Variants in DLEC1 observed in about 807,000 individuals in gnomAD.
DLEC1 encodes the protein DLEC1 cilia and flagella associated protein.
Under a neutral mutation model 198.1 loss-of-function variants are expected in DLEC1, and 146 were observed. The ratio of observed to expected loss-of-function variants is 0.74; its 90% CI spans 0.64 to 0.85. The LOEUF (loss-of-function observed/expected upper bound fraction) is 0.85. Ranked by LOEUF, DLEC1 falls within the 40% of genes least tolerant of loss-of-function variation. The probability of loss-of-function intolerance (pLI) is 0.00; values close to 1 mark genes in which losing one functional copy is unlikely to be tolerated. For synonymous variants in DLEC1, 897 were observed against 866.8 expected, an observed-to-expected ratio of 1.03 and a Z score of -0.61; for missense variants, 2,233 against 2,220.0, an observed-to-expected ratio of 1.01 and a Z score of -0.12.
intron 31 of DLEC1, 67 bp from the exon 32 acceptor site, chr3:38,117,460 G>A (rs1553624821): frequency 1.9e-6 from 3 of 1,608,752 alleles, no homozygotes; most frequent in Non-Finnish European, 2.6e-6. Flanking sequence ...GGCTGGATGA[G>A]CAGAGTGGGG....
chr3:38,121,988 C>T (rs907694808), intron 35 of DLEC1, 83 bp from the exon 36 acceptor site: 3 of 1,574,410 alleles, frequency 1.9e-6, no homozygotes, highest in African/African-American at 1.3e-5. Context: ...ACCAGAGGTA[C>T]AGGCCCGGGG....
intron 9 of DLEC1, 44 bp downstream of exon 9, chr3:38,086,421 CA>C (rs1698459884): frequency 2.5e-6 from 4 of 1,571,262 alleles, no homozygotes; most frequent in Non-Finnish European, 3.5e-6. Context: ...ACAAGTCCAT[CA>C]AAGGAAATAA....
At chr3:38,039,743 A>C (rs2125563165) in intron 1 of DLEC1, 107 bp downstream of exon 1, 1 of 1,433,128 alleles carries the variant, frequency 7.0e-7, no homozygotes, top group East Asian at 2.4e-5. Flanking sequence ...CTGGGGCTGC[A>C]GTTGAGAAAC....
intron 2 of DLEC1, among the ~76,000 whole-genome samples, chr3:38,049,173 AATG>A (rs1430939063): frequency 2.0e-5 from 3 of 152,092 alleles, no homozygotes; most frequent in Non-Finnish European, 1.5e-5. Context: ...TTTACCCAAG[AATG>A]ATATTAAGTT....
intron 6 of DLEC1, among the ~76,000 whole-genome samples, chr3:38,080,384 G>A (rs1697905126): frequency 6.6e-6 from 1 of 152,138 alleles, no homozygotes; most frequent in Non-Finnish European, 1.5e-5. Context: ...AATGATGCTT[G>A]GGGTTGGGAC....
intron 6 of DLEC1, among the ~76,000 whole-genome samples, chr3:38,083,525 T>C (rs916311753): frequency 6.6e-6 from 1 of 152,202 alleles, no homozygotes; most frequent in Non-Finnish European, 1.5e-5. Flanking sequence ...GGACCAGCCA[T>C]TTACACTTCT....
At chr3:38,040,708 C>T (rs763664566) in intron 1 of DLEC1, among the ~76,000 whole-genome samples, 1 of 152,206 alleles carries the variant, frequency 6.6e-6, no homozygotes, top group Non-Finnish European at 1.5e-5. Context: ...CATTATAAAC[C>T]TATAAACCCC....
chr3:38,121,963 G>A, intron 35 of DLEC1, 108 bp from the exon 36 acceptor site: 2 of 1,543,748 alleles, frequency 1.3e-6, no homozygotes, highest in Non-Finnish European at 1.8e-6. Flanking sequence ...GCCCTGCCCT[G>A]CAGTGCTGAG....
chr3:38,081,900 C>A (rs1448977315), intron 6 of DLEC1, among the ~76,000 whole-genome samples: 1 of 148,410 alleles, frequency 6.7e-6, no homozygotes, highest in African/African-American at 2.5e-5. Context: ...GGCTGACCCC[C>A]CCCCACCTCC....
At chr3:38,072,441 C>T (rs1056358008) in intron 6 of DLEC1, among the ~76,000 whole-genome samples, 14 of 152,206 alleles carry the variant, frequency 9.2e-5, no homozygotes, top group Middle Eastern at 3.4e-3. Flanking sequence ...GGCTACAGGA[C>T]GCGATCCTGG....
chr3:38,097,242 A>G lies in DLEC1; in HGVS notation c.2401A>G (p.Ile801Val), dbSNP rs201017133. The G allele has an allele frequency of 1.6e-5, 25 of 1,586,922 alleles. No individual in the cohort carries two copies. Among genetic ancestry groups the G allele is most frequent in the Middle Eastern group, 3.3e-4 (2 of 6,030 alleles). The change falls in exon 16 of 37, where the codon ATC becomes GTC. Residue 801 changes from isoleucine to valine, a missense_variant. Coordinates refer to ENST00000308059, the MANE Select transcript of DLEC1 (RefSeq NM_007335.4). ...YLWGKISDCH[I>V]IEVEPGTGVI... ...GTGGGGGAAGATCAGCGACTGCCAC[A>G]TCATTGAAGTGGAGCCCGGCACAGG...
chr3:38,066,723 A>G (rs1697048433), intron 6 of DLEC1, among the ~76,000 whole-genome samples: 1 of 152,232 alleles, frequency 6.6e-6, no homozygotes, highest in African/African-American at 2.4e-5. Flanking sequence ...ATTGCATTTT[A>G]TAGTTTAAAG....
At position 38,081,562 on chromosome 3, in the gene DLEC1, G is replaced by A. The variant is rs1228907718; in HGVS notation, c.1174-2596G>A. Among the ~76,000 whole-genome samples the A allele has an allele frequency of 2.7e-4, 28 of 105,196 alleles. 8 individuals are homozygous for A. Among genetic ancestry groups the A allele is most frequent in the African/African-American group, 8.6e-4 (20 of 23,274 alleles). 69.0% of individuals were successfully genotyped at this position (105,196 alleles called of 152,430 possible). A position where few individuals can be genotyped will look rare whatever the true frequency, so the allele number is the denominator to read the frequency against. On this transcript the variant is annotated intron_variant, in intron 6 of 36. Coordinates refer to ENST00000308059, the MANE Select transcript of DLEC1 (RefSeq NM_007335.4). ...CACCTCCCGGATGGGGCGGCTGGCC[G>A]GGCAGGGGGCTGAGCCCCTCACCTC...
chr3:38,104,537 T>C (rs1324607752), intron 19 of DLEC1, among the ~76,000 whole-genome samples: 3 of 152,206 alleles, frequency 2.0e-5, no homozygotes, highest in Non-Finnish European at 4.4e-5. Context: ...ATTTAGGAAT[T>C]TGTCCATTTT....
intron 2 of DLEC1, among the ~76,000 whole-genome samples, chr3:38,057,878 G>A (rs368900585): frequency 3.3e-5 from 5 of 149,962 alleles, no homozygotes; most frequent in East Asian, 2.0e-4. Context: ...GTGCAGTGGC[G>A]CAATCTCGGC....
chr3:38,084,609 C>CT (rs1698335193), intron 7 of DLEC1, among the ~76,000 whole-genome samples: 3 of 19,382 alleles, frequency 1.5e-4, no homozygotes, highest in Non-Finnish European at 3.0e-4. Flanking sequence ...GTAGCAGTAG[C>CT]AGTAGCAGTA....
chr3:38,043,336 C>T (rs1162948313), intron 1 of DLEC1, among the ~76,000 whole-genome samples: 1 of 152,160 alleles, frequency 6.6e-6, no homozygotes, highest in African/African-American at 2.4e-5. Context: ...GGTAAGCCCT[C>T]AGTAAGTGAT....
chr3:38,062,646 C>T lies in DLEC1; in HGVS notation c.939C>T (p.Asp313=). The T allele has an allele frequency of 6.2e-7, 1 of 1,614,156 alleles. No homozygotes were observed. The highest frequency in any genetic ancestry group is 8.5e-7 in the Non-Finnish European group (1 of 1,180,026). ...TACGTGTGCCACAGAGAGAGCTAGA[C>T]AGACTTCTGCTTGCCAGAATGGAGA... is the stretch of plus-strand genomic sequence containing the variant. ...NHLRVPQREL[D]RLLLARMESR... is the part of the protein sequence containing the mutation. The change falls in exon 5 of 37, where the codon GAC becomes GAT. Residue 313 remains aspartate (D), a synonymous_variant. Coordinates refer to ENST00000308059, the MANE Select transcript of DLEC1 (RefSeq NM_007335.4).
intron 6 of DLEC1, among the ~76,000 whole-genome samples, chr3:38,070,255 G>C (rs1182726201): frequency 6.6e-6 from 1 of 152,146 alleles, no homozygotes; most frequent in Admixed American, 6.5e-5. Flanking sequence ...AACACTCTTT[G>C]TGTCCATGGG....
Sources: allele counts gnomAD v4.1 joint callset (sites outside exome capture counted in the v4.1 genomes callset), GRCh38; gene constraint gnomAD v4.1.1; transcripts MANE v1.5; gene names NCBI Gene and HGNC (gene_info 2026-07-23, HGNC 2026-07-21).